The following GABRB1 variants were observed in gnomAD, a reference collection of about 807,000 sequenced individuals.
GABRB1 encodes the protein gamma-aminobutyric acid type A receptor subunit beta1.
A neutral mutation model predicts 51.6 loss-of-function variants in GABRB1; 17 were observed. The ratio of observed to expected loss-of-function variants is 0.33; its 90% CI spans 0.23 to 0.49. The LOEUF (loss-of-function observed/expected upper bound fraction) is 0.49, where lower values mean the gene tolerates loss of function less well. Ranked by LOEUF, GABRB1 falls within the 20% of genes least tolerant of loss-of-function variation. GABRB1 has a pLI of 0.99. For missense variants in GABRB1, 410 were observed against 600.6 expected (o/e 0.68, Z 3.32); for synonymous variants, 247 against 218.9 (o/e 1.13, Z -1.14).
chr4:47,244,969 G>A (rs1721686919), intron 4 of GABRB1, among the ~76,000 whole-genome samples: 1 of 152,096 alleles, frequency 6.6e-6, no homozygotes, highest in Non-Finnish European at 1.5e-5. Flanking sequence ...TCAAAAGCTA[G>A]CAGAAGGCAA....
At position 47,124,651 on chromosome 4, in the gene GABRB1, A is replaced by T. The variant is rs534621516; in HGVS notation, c.241-36598A>T. On this transcript the variant is annotated intron_variant, in intron 3 of 8. Transcript: ENST00000295454. ...TAATACATGACAAAATTGGAAGTTC[A>T]ACAAAGAAATAGAAATTGCAGAAAA... Among the ~76,000 whole-genome samples, 5 of 152,316 alleles carry T rather than the reference A, an allele frequency of 3.3e-5. No homozygotes were observed. In the East Asian group the frequency reaches 9.6e-4, roughly 29 times the overall value.
chr4:47,425,512 A>C (rs571398386), intron 8 of GABRB1, among the ~76,000 whole-genome samples, 162 bp from the exon 9 acceptor site: 30 of 148,098 alleles, frequency 2.0e-4, no homozygotes, highest in Admixed American at 5.4e-4. Flanking sequence ...ATAGATAGAT[A>C]GATAGATCGA....
chr4:47,424,704 C>G (rs1729209942), intron 8 of GABRB1, among the ~76,000 whole-genome samples: 1 of 152,202 alleles, frequency 6.6e-6, no homozygotes, highest in African/African-American at 2.4e-5. Flanking sequence ...GGAAGTACTT[C>G]AAGCTCATTT....
chr4:47,275,508 T>C (rs1176830681), intron 4 of GABRB1, among the ~76,000 whole-genome samples: 4 of 152,290 alleles, frequency 2.6e-5, no homozygotes, highest in Middle Eastern at 3.4e-3. Flanking sequence ...TGTGTTTACA[T>C]AGTCTTTTGA....
At chr4:47,283,545 C>T (rs900799254) in intron 4 of GABRB1, among the ~76,000 whole-genome samples, 3 of 150,998 alleles carry the variant, frequency 2.0e-5, no homozygotes, top group Non-Finnish European at 3.0e-5. Context: ...GCCGCCACCA[C>T]GCCCGGCTAA....
intron 5 of GABRB1, among the ~76,000 whole-genome samples, chr4:47,366,310 T>C (rs1726980682): frequency 6.6e-6 from 1 of 152,212 alleles, no homozygotes; most frequent in Non-Finnish European, 1.5e-5. Flanking sequence ...TGTCTCTCAC[T>C]CAGGTAGCAG....
chr4:47,324,525 G>C (rs990714823), intron 5 of GABRB1, among the ~76,000 whole-genome samples: 6 of 152,228 alleles, frequency 3.9e-5, no homozygotes, highest in Admixed American at 1.3e-4. Flanking sequence ...TACTTGAAAG[G>C]ATAATCTATA....
At position 47,161,064 on chromosome 4, in the gene GABRB1, A is replaced by G. The variant is rs188009270; in HGVS notation, c.241-185A>G. Among the ~76,000 whole-genome samples, 138 of 152,094 alleles carry G rather than the reference A, an allele frequency of 9.1e-4. 1 individual carries two copies. The highest frequency in any genetic ancestry group is 2.3e-3 in the South Asian group (11 of 4,816). ...TGCCTTGGCCTCCCAAATTGCTGGA[A>G]TTACAGACATGATCCACAGTGCCAG... On this transcript the variant is annotated intron_variant, in intron 3 of 8. Transcript: ENST00000295454.
intron 3 of GABRB1, among the ~76,000 whole-genome samples, chr4:47,068,227 T>A (rs566061668): frequency 6.6e-6 from 1 of 152,338 alleles, no homozygotes; most frequent in South Asian, 2.1e-4. Context: ...CTTAAAGTAA[T>A]GTTGTGGCTG....
chr4:47,295,869 T>C (rs1026327809), intron 4 of GABRB1, among the ~76,000 whole-genome samples: 2 of 152,142 alleles, frequency 1.3e-5, no homozygotes, highest in African/African-American at 4.8e-5. Context: ...AAAGGTCGGG[T>C]TAACCACAAT....
intron 3 of GABRB1, among the ~76,000 whole-genome samples, chr4:47,035,758 A>G (rs921667257): frequency 1.3e-5 from 2 of 152,206 alleles, no homozygotes; most frequent in African/African-American, 2.4e-5. Context: ...AACCACTAAC[A>G]TCTGCTACTA....
chr4:47,214,378 G>C (rs1329357468), intron 4 of GABRB1, among the ~76,000 whole-genome samples: 1 of 152,058 alleles, frequency 6.6e-6, no homozygotes, highest in African/African-American at 2.4e-5. Context: ...GGGCTTTGTA[G>C]CTGGATCTGC....
chr4:47,095,190 G>A (rs1057057295), intron 3 of GABRB1, among the ~76,000 whole-genome samples: 1 of 151,798 alleles, frequency 6.6e-6, no homozygotes, highest in Non-Finnish European at 1.5e-5. Context: ...AGGAATTAAT[G>A]CAATTACTCA....
intron 4 of GABRB1, among the ~76,000 whole-genome samples, chr4:47,250,508 G>A (rs1721945939): frequency 6.6e-6 from 1 of 152,148 alleles, no homozygotes; most frequent in Non-Finnish European, 1.5e-5. Flanking sequence ...CTCTAGCAAG[G>A]CCAGGGAAGT....
chr4:47,226,405 A>C (rs976688999), intron 4 of GABRB1, among the ~76,000 whole-genome samples: 3 of 152,114 alleles, frequency 2.0e-5, no homozygotes, highest in African/African-American at 7.2e-5. Context: ...GGAGGAGCAA[A>C]TGCAAAGTTC....
intron 1 of GABRB1, among the ~76,000 whole-genome samples, chr4:47,019,077 T>G (rs961119717): frequency 1.3e-5 from 2 of 152,104 alleles, no homozygotes; most frequent in African/African-American, 4.8e-5. Context: ...AATTTGACAC[T>G]CCAGACCTCA....
chr4:47,323,791 T>G (rs1043254858), intron 5 of GABRB1, among the ~76,000 whole-genome samples: 5 of 152,240 alleles, frequency 3.3e-5, no homozygotes, highest in African/African-American at 1.2e-4. Context: ...TTGTTTAACT[T>G]GATGTCATCT....
At chr4:47,053,069 G>T (rs1162785821) in intron 3 of GABRB1, among the ~76,000 whole-genome samples, 1 of 152,192 alleles carries the variant, frequency 6.6e-6, no homozygotes, top group Admixed American at 6.5e-5. Flanking sequence ...CTGTGGGGCA[G>T]TGAGGGCAAG....
chr4:47,351,904 T>G (rs1726358157), intron 5 of GABRB1, among the ~76,000 whole-genome samples: 1 of 152,140 alleles, frequency 6.6e-6, no homozygotes. Flanking sequence ...GCATGATTTA[T>G]AGTCCTTTGG....
Sources: gnomAD v4.1 joint callset for allele counts (sites outside exome capture counted in the v4.1 genomes callset) on GRCh38, gnomAD v4.1.1 for gene constraint, MANE v1.5 for transcripts, NCBI Gene and HGNC (gene_info 2026-07-23, HGNC 2026-07-21) for gene names.